Variants in TEP1 observed in about 807,000 individuals in gnomAD.
The protein encoded by TEP1 is telomerase associated protein 1, also known as telomerase protein component 1.
TEP1 carries 241 observed loss-of-function variants against 306.3 expected under a neutral mutation model. That is an observed-to-expected ratio of 0.79 (90% CI 0.71 to 0.88). The LOEUF (loss-of-function observed/expected upper bound fraction) is 0.88, where lower values mean the gene tolerates loss of function less well. Ranked by LOEUF, TEP1 falls within the 40% of genes least tolerant of loss-of-function variation. The probability of loss-of-function intolerance (pLI) is 0.00; values close to 1 mark genes in which losing one functional copy is unlikely to be tolerated. For synonymous variants in TEP1, 1,289 were observed against 1,305.5 expected (o/e 0.99, Z 0.27); for missense variants, 3,051 against 3,276.1 (o/e 0.93, Z 1.68).
rs773072424 is a variant in TEP1 at position 20,383,511 on chromosome 14, A to G, written c.3844T>C (p.Trp1282Arg). 6.2e-7 allele frequency: 1 copy of G among 1,614,194 alleles called. No individual in the cohort carries two copies. Among genetic ancestry groups the G allele is most frequent in the Admixed American group, 1.7e-5 (1 of 60,030 alleles). Residue 1282 changes from tryptophan (W) to arginine (R), a missense_variant, in exon 26 of 55, where the codon TGG (tryptophan) becomes CGG (arginine). By Grantham distance (101) the Trp-to-Arg change is moderately radical (BLOSUM62 -3). Coordinates refer to ENST00000262715, the MANE Select transcript of TEP1 (RefSeq NM_007110.5). ...ACCCGGGGAAGCTTCTTTGGGATCCAGTCTGAAATCAGCTGCCCATTCTGG... is the reference window on the plus strand; with the variant it reads ...ACCCGGGGAAGCTTCTTTGGGATCCGGTCTGAAATCAGCTGCCCATTCTGG... ...VDQNGQLISD[W>R]IPKKLPRCVH...
rs769721921 is a variant in TEP1 at position 20,389,688 on chromosome 14, A to G, written c.2387T>C (p.Val796Ala). 1.2e-6 allele frequency: 2 copies of G among 1,614,234 alleles called. No homozygotes were observed. The highest frequency in any genetic ancestry group is 2.2e-5 in the East Asian group (1 of 44,886). The change falls in exon 16 of 55, where the codon GTG becomes GCG. Residue 796 changes from valine to alanine, a missense_variant. Around this residue, in one of 3 missense-constraint regions of TEP1, gnomAD observed 1,507 missense variants for 1,550.5 expected, o/e 0.97. Coordinates refer to ENST00000262715, the MANE Select transcript of TEP1 (RefSeq NM_007110.5). ...ACGCTGCCAGTAAAGCTGTTTGGCC[A>G]CATTTATCATTCCATCATCCATGCT... ...GQSMDDGMIN[V>A]AKQLYWQRVN... is the part of the protein sequence containing the mutation.
In TEP1 at chr14:20,401,470, G is replaced by C. The variant is rs760005252; in HGVS notation, c.1378C>G (p.Leu460Val). The C allele has an allele frequency of 1.9e-5, 31 of 1,614,196 alleles. No homozygotes were observed. The African/African-American group carries it at 3.7e-4, about 19-fold the overall frequency. Residue 460 changes from leucine to valine, a missense_variant, in exon 8 of 55, where the codon CTG (leucine) becomes GTG (valine). Leu to Val is a conservative substitution (Grantham distance 32). This residue lies in a region of TEP1 where 1,507 missense variants were observed against 1,550.5 expected (regional missense o/e 0.97). Transcript: ENST00000262715. Reference protein sequence around the residue: ...IHKPAQHVQALLGYRYPSNLQ... With the variant: ...IHKPAQHVQAVLGYRYPSNLQ... ...GCAGCTTCTCACCTGTAACCCAGCA[G>C]GGCTTGAACGTGCTGGGCAGGCTTG...
rs138288297 is a variant in TEP1 at position 20,377,475 on chromosome 14, C to T, written c.5893G>A (p.Gly1965Ser). 66 of 1,613,772 alleles carry T rather than the reference C, an allele frequency of 4.1e-5. 1 individual carries two copies. Among genetic ancestry groups the T allele is most frequent in the Non-Finnish European group, 5.4e-5 (64 of 1,179,882 alleles). Residue 1965 changes from glycine (G) to serine (S), a missense_variant, in exon 41 of 55, where the codon GGT becomes AGT. Gly to Ser is a moderately conservative substitution (Grantham distance 56, BLOSUM62 0). Transcript: ENST00000262715. Reference protein sequence around the residue: ...KISSGSQGAQGQALDVAVSAL... With the variant: ...KISSGSQGAQSQALDVAVSAL... ...GACACTGCCACATCCAGTGCCTGAC[C>T]CTGAGCCCCCTGGGAACCTAGAGAA...
intron 20 of TEP1, 139 bp from the exon 21 acceptor site, chr14:20,385,248 A>C: frequency 9.8e-7 from 1 of 1,019,446 alleles, no homozygotes; most frequent in Non-Finnish European, 1.4e-6. Context: ...AATATAGCTA[A>C]TAGCTAATGT....
intron 9 of TEP1, among the ~76,000 whole-genome samples, chr14:20,398,735 T>C (rs1176039650): frequency 6.6e-6 from 1 of 152,152 alleles, no homozygotes; most frequent in Admixed American, 6.5e-5. Flanking sequence ...CAAACCACTT[T>C]AGAGGCCAGG....
rs1190670347 is a variant in TEP1, at chr14:20,377,441, G to A, written c.5927C>T (p.Ala1976Val). 1 of 1,614,130 alleles carries A rather than the reference G, an allele frequency of 6.2e-7. No homozygotes were observed. The highest frequency in any genetic ancestry group is 1.1e-5 in the South Asian group (1 of 91,086). ...CACCAATACCTTGGGGCTTAGCCAG[G>A]CCAGGGCGGACACTGCCACATCCAG... is the stretch of plus-strand genomic sequence containing the variant. ...QALDVAVSAL[A>V]WLSPKVLVSG... Residue 1976 changes from alanine (A) to valine (V), a missense_variant, in exon 41 of 55, where the codon GCC becomes GTC. By Grantham distance (64) the Ala-to-Val change is moderately conservative. Around this residue, in one of 3 missense-constraint regions of TEP1, gnomAD observed 1,540 missense variants for 1,705.9 expected, o/e 0.90. Coordinates refer to ENST00000262715, the MANE Select transcript of TEP1 (RefSeq NM_007110.5).
At chr14:20,380,498 C>A in intron 33 of TEP1, 23 bp from the exon 34 acceptor site, 1 of 1,597,950 alleles carries the variant, frequency 6.3e-7, no homozygotes, top group South Asian at 1.1e-5. Context: ...GGCAGAATGT[C>A]ACTGGGGAGC....
chr14:20,387,897 A>G lies in TEP1; in HGVS notation c.2684+8T>C. The stretch of plus-strand genomic sequence containing the variant: ...CCAATTCACAAAGGCATAGAAACAC[A>G]GACTGACCCTTGCTGGGAAACAGGA... On this transcript the variant is annotated splice_region_variant and intron_variant, in intron 18 of 54. Coordinates refer to ENST00000262715, the MANE Select transcript of TEP1 (RefSeq NM_007110.5). 1.9e-6 allele frequency: 3 copies of G among 1,595,984 alleles called. No individual in the cohort carries two copies. Among genetic ancestry groups the G allele is most frequent in the East Asian group, 2.3e-5 (1 of 44,374 alleles).
rs1885282024 is a variant in TEP1 at position 20,377,833 on chromosome 14, A to G, written c.5722-80T>C. 21 of 1,561,634 alleles carry G rather than the reference A, an allele frequency of 1.3e-5. No homozygotes were observed. The South Asian group carries it at 2.3e-4, about 17-fold the overall frequency. ...CCTGTTTTGAGTTACAGCCACCCCC[A>G]TTAAAGTCCTCCTTCCAGAGACTCT... On this transcript the variant is annotated intron_variant, in intron 39 of 54. Coordinates refer to ENST00000262715, the MANE Select transcript of TEP1 (RefSeq NM_007110.5).
At position 20,375,730 on chromosome 14, in the gene TEP1, G is replaced by T. The variant is rs1760908; in HGVS notation, c.6363+25C>A. 8 of 1,558,556 alleles carry T rather than the reference G, an allele frequency of 5.1e-6. No homozygotes were observed. In the African/African-American group the frequency reaches 8.1e-5, roughly 16 times the overall value. On this transcript the variant is annotated intron_variant, in intron 43 of 54. Transcript: ENST00000262715. ...TGCCCCAGGAACCCAGCTGGGCTCT[G>T]TGCCACCCCTGGCCCTTTACTCACC...
In TEP1 at chr14:20,386,502, G is replaced by A. The variant is rs1250242817; in HGVS notation, c.2806C>T (p.Leu936Phe). ...QARAAPHRIS[L>F]HGIDLRWGVT... ...CCCCAGCGGAGGTCGATTCCGTGAA[G>A]GCTGATACGGTGAGGGGCCGCTCGG... The change falls in exon 19 of 55, where the codon CTT (leucine) becomes TTT (phenylalanine). Residue 936 changes from leucine (L) to phenylalanine (F), a missense_variant. Around this residue, in one of 3 missense-constraint regions of TEP1, gnomAD observed 1,507 missense variants for 1,550.5 expected, o/e 0.97. Coordinates refer to ENST00000262715, the MANE Select transcript of TEP1 (RefSeq NM_007110.5). 1 of 1,612,944 alleles carries A rather than the reference G, an allele frequency of 6.2e-7. No individual in the cohort carries two copies. Among genetic ancestry groups the A allele is most frequent in the Non-Finnish European group, 8.5e-7 (1 of 1,179,452 alleles).
rs748195963 is a variant in TEP1 at position 20,408,351 on chromosome 14, G to A, written c.89C>T (p.Pro30Leu). 6.2e-7 allele frequency: 1 copy of A among 1,613,166 alleles called. No homozygotes were observed. Among genetic ancestry groups the A allele is most frequent in the South Asian group, 1.1e-5 (1 of 91,012 alleles). The change falls in exon 2 of 55, where the codon CCC becomes CTC. Residue 30 changes from proline to leucine, a missense_variant. Physicochemically the swap from Pro to Leu is moderately conservative, Grantham distance 98. Coordinates refer to ENST00000262715, the MANE Select transcript of TEP1 (RefSeq NM_007110.5). ...RCLAMLPDLQ[P>L]LEKLHQHVST... ...TACATGCTGATGTAGTTTCTCCAAG[G>A]GCTGTAAGTCAGGGAGCATAGCCAG... is the stretch of plus-strand genomic sequence containing the variant.
At chr14:20,409,946 A>G (rs979920340) in intron 1 of TEP1, among the ~76,000 whole-genome samples, 1 of 140,938 alleles carries the variant, frequency 7.1e-6, no homozygotes, top group Non-Finnish European at 1.5e-5. Context: ...GGCGTGAACC[A>G]GGGAGGCGGA....
rs564431450 is a variant in TEP1, at chr14:20,372,827, A to C, written c.6982T>G (p.Ser2328Ala). 6.2e-7 allele frequency: 1 copy of C among 1,614,178 alleles called. No individual in the cohort carries two copies. The highest frequency in any genetic ancestry group is 1.3e-5 in the African/African-American group (1 of 75,044). The change falls in exon 49 of 55, where the codon TCC becomes GCC. Residue 2328 changes from serine to alanine, a missense_variant. By Grantham distance (99) the Ser-to-Ala change is moderately conservative. Around this residue, in one of 3 missense-constraint regions of TEP1, gnomAD observed 1,540 missense variants for 1,705.9 expected, o/e 0.90. Coordinates refer to ENST00000262715, the MANE Select transcript of TEP1 (RefSeq NM_007110.5). ...AGGACAAAAAAGGTGTGTGCCGAGGACCAGATCAGAGCACCAATGTGGCCT... is the reference window on the plus strand; with the variant it reads ...AGGACAAAAAAGGTGTGTGCCGAGGCCCAGATCAGAGCACCAATGTGGCCT... ...APGHIGALIW[S>A]SAHTFFVLSA...
At chr14:20,402,855 C>G (rs138182761) in intron 7 of TEP1, among the ~76,000 whole-genome samples, 2 of 152,226 alleles carry the variant, frequency 1.3e-5, no homozygotes, top group African/African-American at 4.8e-5. Context: ...TGACATGTCA[C>G]CCGGCAGTAA....
intron 35 of TEP1, among the ~76,000 whole-genome samples, chr14:20,379,383 T>C (rs1034834548): frequency 6.6e-6 from 1 of 152,094 alleles, no homozygotes; most frequent in Non-Finnish European, 1.5e-5. Context: ...ATGACATGAG[T>C]GTAAAGAGGA....
At position 20,380,415 on chromosome 14, in the gene TEP1, G is replaced by T; in HGVS notation, c.4823C>A (p.Thr1608Asn). The change falls in exon 34 of 55, where the codon ACC becomes AAC. Residue 1608 changes from threonine to asparagine, a missense_variant. Around this residue, in one of 3 missense-constraint regions of TEP1, gnomAD observed 1,540 missense variants for 1,705.9 expected, o/e 0.90. Transcript: ENST00000262715. ...GATTGAAGCCTGCTGCCTCAGGAAGGTGCGAAACACTGCAACGTCAGCCTC... is the reference window on the plus strand; with the variant it reads ...GATTGAAGCCTGCTGCCTCAGGAAGTTGCGAAACACTGCAACGTCAGCCTC... ...LPEADVAVFR[T>N]FLRQQASILS... is the part of the protein sequence containing the mutation. 5 of 1,614,192 alleles carry T rather than the reference G, an allele frequency of 3.1e-6. No individual in the cohort carries two copies. Among genetic ancestry groups the T allele is most frequent in the Non-Finnish European group, 4.2e-6 (5 of 1,180,036 alleles).
At chr14:20,380,822 C>CT in intron 33 of TEP1, 109 bp downstream of exon 33, 1 of 946,016 alleles carries the variant, frequency 1.1e-6, no homozygotes, top group Non-Finnish European at 1.6e-6. Context: ...AAATTTGAAT[C>CT]TTTTTTCCCT....
intron 51 of TEP1, among the ~76,000 whole-genome samples, chr14:20,370,200 C>CACTA (rs748141570): frequency 1.3e-5 from 2 of 152,210 alleles, no homozygotes; most frequent in Non-Finnish European, 2.9e-5. Flanking sequence ...AGGCGTGAGC[C>CACTA]ACTACACCTG....
Sources: gnomAD v4.1 joint callset for allele counts (sites outside exome capture counted in the v4.1 genomes callset) on GRCh38, gnomAD v4.1.1 for gene constraint, gnomAD v4.1.1 regional missense constraint, MANE v1.5 for transcripts, NCBI Gene and HGNC (gene_info 2026-07-23, HGNC 2026-07-21) for gene names.